CARD9: variants seen among roughly 807,000 people sequenced by gnomAD.
CARD9 encodes the protein caspase recruitment domain-containing protein 9.
In CARD9, 53 loss-of-function variants were observed where a neutral mutation model predicts 66.0. That is an observed-to-expected ratio of 0.80 (90% CI 0.64 to 1.01). The LOEUF (loss-of-function observed/expected upper bound fraction) is 1.01. CARD9 is among the 50% of genes least tolerant of loss of function. CARD9 has a pLI of 0.00. For synonymous variants in CARD9, 387 were observed against 313.8 expected, an observed-to-expected ratio of 1.23 and a Z score of -2.47; for missense variants, 769 against 743.2, an observed-to-expected ratio of 1.03 and a Z score of -0.40.
In CARD9 at chr9:136,367,722, A is replaced by T; in HGVS notation, c.1184T>A (p.Leu395Gln). ...VRELGEKADE[L>Q]QLQVFQCEAQ... ...CTCACACTGGAACACCTGCAGCTGC[A>T]GCTCATCCGCCTTCTCGCCCAGCTC... Residue 395 changes from leucine (L) to glutamine (Q), a missense_variant, in exon 8 of 13, where the codon CTG (leucine) becomes CAG (glutamine). Coordinates refer to ENST00000371732, the MANE Select transcript of CARD9 (RefSeq NM_052813.5). 1 of 1,605,086 alleles carries T rather than the reference A, an allele frequency of 6.2e-7. No individual in the cohort carries two copies.
intron 8 of CARD9, 118 bp downstream of exon 8, chr9:136,367,519 G>A (rs1264024333): frequency 3.1e-6 from 4 of 1,304,210 alleles, no homozygotes; most frequent in Middle Eastern, 1.9e-4. Flanking sequence ...GGTTTGGTTA[G>A]GTTGGGGCCC....
chr9:136,365,646 G>C, intron 10 of CARD9: 1 of 206,784 alleles, frequency 4.8e-6, no homozygotes, highest in Non-Finnish European at 1.0e-5. Flanking sequence ...TGGGGGCAGG[G>C]GTACTGCAGC....
chr9:136,365,457 T>C, intron 10 of CARD9: 1 of 573,000 alleles, frequency 1.7e-6, no homozygotes, highest in Non-Finnish European at 3.1e-6. Context: ...CTCCCGCCAG[T>C]GACCATCCCT....
chr9:136,364,628 C>T, intron 11 of CARD9, 69 bp from the exon 12 acceptor site: 2 of 1,444,684 alleles, frequency 1.4e-6, no homozygotes, highest in Non-Finnish European at 1.9e-6. Flanking sequence ...CACCCGCCCC[C>T]CACTGGCCCC....
At chr9:136,365,017 GT>G in intron 11 of CARD9, 123 bp downstream of exon 11, 1 of 872,612 alleles carries the variant, frequency 1.1e-6, no homozygotes. Flanking sequence ...CAGAGACCTT[GT>G]GGTCACTCCT....
Position 136,367,679 on chromosome 9 carries a change from C to T in CARD9, c.1227G>A (p.Val409=), listed in dbSNP as rs576925149. ...GCTGCTGCCGCCTGAGCCTGCCCTC[C>T]ACGGCCAGTAGCTGCGCCTCACACT... ...VFQCEAQLLA[V]EGRLRRQQLE... is the part of the protein sequence containing the mutation. The change falls in exon 8 of 13, where the codon GTG becomes GTA. Residue 409 remains valine, a synonymous_variant. Transcript: ENST00000371732. The T allele has an allele frequency of 1.3e-6, 2 of 1,599,590 alleles. No individual in the cohort carries two copies. Among genetic ancestry groups the T allele is most frequent in the East Asian group, 2.2e-5 (1 of 44,736 alleles).
intron 1 of CARD9, among the ~76,000 whole-genome samples, 151 bp downstream of exon 1, chr9:136,373,381 G>A (rs1414018853): frequency 6.6e-6 from 1 of 152,232 alleles, no homozygotes; most frequent in African/African-American, 2.4e-5. Flanking sequence ...TCTCCGCCCA[G>A]GGGCCGTGAA....
At chr9:136,371,760 C>A in intron 2 of CARD9, 135 bp downstream of exon 2, 1 of 1,420,074 alleles carries the variant, frequency 7.0e-7, no homozygotes, top group East Asian at 2.3e-5. Context: ...TGAGGTTGGG[C>A]CTCAGTCAGA....
At chr9:136,365,252 A>T (rs1296819674) in intron 10 of CARD9, 35 bp from the exon 11 acceptor site, 1 of 1,598,650 alleles carries the variant, frequency 6.3e-7, no homozygotes, top group Non-Finnish European at 8.5e-7. Flanking sequence ...GGACCTGCCC[A>T]TCTGCTGGGC....
chr9:136,371,080 C>T lies in CARD9; in HGVS notation c.388G>A (p.Val130Met). ...MTEVMKLQKK[V>M]QDLTALLSSK... is the part of the protein sequence containing the mutation. ...CTCAGCAGCGCGGTCAGGTCCTGCA[C>T]CTTCTTCTGCAGCTTCATGACCTCA... The change falls in exon 4 of 13, where the codon GTG becomes ATG. Residue 130 changes from valine to methionine, a missense_variant. Coordinates refer to ENST00000371732, the MANE Select transcript of CARD9 (RefSeq NM_052813.5). 6.2e-7 allele frequency: 1 copy of T among 1,612,764 alleles called. No individual in the cohort carries two copies. Among genetic ancestry groups the T allele is most frequent in the African/African-American group, 1.3e-5 (1 of 75,060 alleles).
In CARD9 at chr9:136,372,535, C is replaced by T. The variant is rs538073671; in HGVS notation, c.-16-441G>A. Among the ~76,000 whole-genome samples the T allele has an allele frequency of 8.3e-4, 127 of 152,358 alleles. 1 individual carries two copies. The highest frequency in any genetic ancestry group is 5.7e-3 in the Admixed American group (87 of 15,306). On this transcript the variant is annotated intron_variant, in intron 1 of 12. Coordinates refer to ENST00000371732, the MANE Select transcript of CARD9 (RefSeq NM_052813.5). Reference sequence around the variant, plus strand: ...CTGGAATGGGCAGAGGAGCTGAGGGCAACTGCCTGGCACTATGGCCAGCCC... The same window carrying T: ...CTGGAATGGGCAGAGGAGCTGAGGGTAACTGCCTGGCACTATGGCCAGCCC...
Position 136,366,791 on chromosome 9 carries a change from C to A in CARD9, c.1357+9G>T. 6.2e-7 allele frequency: 1 copy of A among 1,613,062 alleles called. No individual in the cohort carries two copies. The highest frequency in any genetic ancestry group is 1.1e-5 in the South Asian group (1 of 91,078). On this transcript the variant is annotated intron_variant, in intron 10 of 12. Coordinates refer to ENST00000371732, the MANE Select transcript of CARD9 (RefSeq NM_052813.5). ...GAGGCCTCTGGGTGTACTGCTGTCCCCACCTCACCTTTGTCTGAGAGCTGG... is the reference window on the plus strand; with the variant it reads ...GAGGCCTCTGGGTGTACTGCTGTCCACACCTCACCTTTGTCTGAGAGCTGG...
intron 11 of CARD9, 128 bp from the exon 12 acceptor site, chr9:136,364,687 C>G: frequency 2.2e-6 from 2 of 901,860 alleles, no homozygotes; most frequent in Non-Finnish European, 3.3e-6. Flanking sequence ...AGCCTCAGCT[C>G]AGCGCCAAGC....
Position 136,373,653 on chromosome 9 carries a change from C to T in CARD9, c.-138G>A. On this transcript the variant is annotated 5_prime_UTR_variant, in exon 1 of 13. Transcript: ENST00000371732. ...GAGCACGCCGGACGCCTGTGCACTTCCTGATGGGTTCTGCTTAACTCCACA... is the reference window on the plus strand; with the variant it reads ...GAGCACGCCGGACGCCTGTGCACTTTCTGATGGGTTCTGCTTAACTCCACA... 1.2e-6 allele frequency: 1 copy of T among 845,184 alleles called. No homozygotes were observed. The highest frequency in any genetic ancestry group is 1.4e-6 in the Non-Finnish European group (1 of 701,818). 52.4% of individuals were successfully genotyped at this position (845,184 alleles called of 1,614,324 possible). A position where few individuals can be genotyped will look rare whatever the true frequency, so the allele number is the denominator to read the frequency against.
chr9:136,365,169 T>A lies in CARD9; in HGVS notation c.1406A>T (p.His469Leu). Residue 469 changes from histidine to leucine, a missense_variant, in exon 11 of 13, where the codon CAC becomes CTC. By Grantham distance (99) the His-to-Leu change is moderately conservative (BLOSUM62 -3). Transcript: ENST00000371732. The stretch of plus-strand genomic sequence containing the variant: ...GGGGTTCCGCAAAACCTGCTCCTGG[T>A]GCAGAGCTGCAAAGGGCTGTTTCGG... ...GSPKQPFAAL[H>L]QEQVLRNPHD... The A allele has an allele frequency of 1.2e-6, 2 of 1,611,608 alleles. No individual in the cohort carries two copies. Among genetic ancestry groups the A allele is most frequent in the Non-Finnish European group, 1.7e-6 (2 of 1,179,822 alleles).
In CARD9 at chr9:136,370,890, C is replaced by T. The variant is rs144115318; in HGVS notation, c.578G>A (p.Ser193Asn). 16 of 1,608,448 alleles carry T rather than the reference C, an allele frequency of 9.9e-6. No individual in the cohort carries two copies. The highest frequency in any genetic ancestry group is 1.4e-5 in the Non-Finnish European group (16 of 1,176,746). ...YDLAMRLAHQSEEKGAALMRN... is the reference protein window; with the variant it reads ...YDLAMRLAHQNEEKGAALMRN... ...CATGAGCGCGGCGCCCTTCTCCTCA[C>T]TCTGGTGCGCCAGGCGCATGGCCAG... is the stretch of plus-strand genomic sequence containing the variant. The change falls in exon 4 of 13, where the codon AGT (serine) becomes AAT (asparagine). Residue 193 changes from serine (S) to asparagine (N), a missense_variant. Transcript: ENST00000371732.
intron 11 of CARD9, 56 bp from the exon 12 acceptor site, chr9:136,364,615 T>C: frequency 6.7e-7 from 1 of 1,497,282 alleles, no homozygotes; most frequent in Non-Finnish European, 9.0e-7. Flanking sequence ...AACCCGTCCT[T>C]CTCACCCGCC....
At chr9:136,369,970 A>G (rs962750940) in intron 6 of CARD9, 95 bp from the exon 7 acceptor site, 2 of 1,579,252 alleles carry the variant, frequency 1.3e-6, no homozygotes, top group Non-Finnish European at 8.6e-7. Flanking sequence ...GCATGTGGTC[A>G]GGCCAGTTGG....
chr9:136,371,058 A>G lies in CARD9; in HGVS notation c.410T>C (p.Leu137Pro), dbSNP rs201183869. Residue 137 changes from leucine (L) to proline (P), a missense_variant, in exon 4 of 13, where the codon CTG becomes CCG. Leu to Pro is a moderately conservative substitution (Grantham distance 98). Transcript: ENST00000371732. ...CTTGATGAAGTCATCTTTGGAGCTC[A>G]GCAGCGCGGTCAGGTCCTGCACCTT... is the stretch of plus-strand genomic sequence containing the variant. ...QKKVQDLTAL[L>P]SSKDDFIKEL... The G allele has an allele frequency of 6.2e-7, 1 of 1,612,660 alleles. No individual in the cohort carries two copies. Among genetic ancestry groups the G allele is most frequent in the East Asian group, 2.2e-5 (1 of 44,872 alleles).
Sources: allele counts gnomAD v4.1 joint callset (sites outside exome capture counted in the v4.1 genomes callset), GRCh38; gene constraint gnomAD v4.1.1; transcripts MANE v1.5; gene names NCBI Gene and HGNC (gene_info 2026-07-23, HGNC 2026-07-21).